The following CHRM2 variants were observed in gnomAD, a reference collection of about 807,000 sequenced individuals.
CHRM2 encodes the protein muscarinic acetylcholine receptor M2.
CHRM2 carries 8 observed loss-of-function variants against 25.0 expected under a neutral mutation model. The observed-to-expected ratio is 0.32, with a 90% CI of 0.19 to 0.58. The LOEUF (loss-of-function observed/expected upper bound fraction) is 0.58. CHRM2 is among the 20% of genes least tolerant of loss of function. The pLI, the probability that CHRM2 is intolerant of heterozygous loss-of-function variation, is 0.88. For synonymous variants in CHRM2, 202 were observed against 205.7 expected (o/e 0.98, Z 0.15); for missense variants, 440 against 567.1 (o/e 0.78, Z 2.28).
At chr7:136,942,384 C>A (rs1799824697) in intron 2 of CHRM2, among the ~76,000 whole-genome samples, 1 of 152,124 alleles carries the variant, frequency 6.6e-6, no homozygotes, top group East Asian at 1.9e-4. Context: ...CTCCTCCTTC[C>A]CTTAGGAAGT....
chr7:136,970,580 T>C (rs1801695043), intron 2 of CHRM2, among the ~76,000 whole-genome samples: 1 of 152,204 alleles, frequency 6.6e-6, no homozygotes, highest in African/African-American at 2.4e-5. Flanking sequence ...GACTTCTTTA[T>C]ACTGAGCACG....
intron 2 of CHRM2, among the ~76,000 whole-genome samples, chr7:136,928,700 T>C (rs1285351605): frequency 6.6e-6 from 1 of 152,162 alleles, no homozygotes; most frequent in Non-Finnish European, 1.5e-5. Context: ...AGCTATACCA[T>C]TCCTGGCAGT....
chr7:136,990,454 T>C (rs1323751716), intron 2 of CHRM2, among the ~76,000 whole-genome samples: 1 of 152,188 alleles, frequency 6.6e-6, no homozygotes, highest in African/African-American at 2.4e-5. Flanking sequence ...GGATGTCATA[T>C]AGTTGGATTC....
At chr7:136,970,815 G>C (rs971370456) in intron 2 of CHRM2, among the ~76,000 whole-genome samples, 1 of 152,080 alleles carries the variant, frequency 6.6e-6, no homozygotes, top group African/African-American at 2.4e-5. Context: ...GTTAAACTCT[G>C]TCTCACTCAC....
intron 2 of CHRM2, among the ~76,000 whole-genome samples, chr7:136,982,852 T>C (rs886555977): frequency 2.0e-5 from 3 of 152,186 alleles, no homozygotes; most frequent in African/African-American, 4.8e-5. Flanking sequence ...TAATGTGACC[T>C]TTCTCTCTGC....
At chr7:136,948,519 T>C (rs1353673612) in intron 2 of CHRM2, among the ~76,000 whole-genome samples, 1 of 152,002 alleles carries the variant, frequency 6.6e-6, no homozygotes, top group Non-Finnish European at 1.5e-5. Context: ...GTGAGGACAT[T>C]TAAGTCAACC....
chr7:136,888,333 C>A (rs761236965), intron 2 of CHRM2, among the ~76,000 whole-genome samples: 1 of 152,142 alleles, frequency 6.6e-6, no homozygotes, highest in Non-Finnish European at 1.5e-5. Flanking sequence ...CCCATTGCTG[C>A]GCTGGGGAAA....
chr7:136,903,123 T>C (rs773080543), intron 2 of CHRM2: 3 of 533,608 alleles, frequency 5.6e-6, no homozygotes, highest in Non-Finnish European at 1.2e-5. Flanking sequence ...GTAGGTTTTT[T>C]ATTCTTCAAC....
intron 2 of CHRM2, among the ~76,000 whole-genome samples, chr7:136,917,868 T>C (rs1584753104): frequency 6.6e-6 from 1 of 152,028 alleles, no homozygotes; most frequent in South Asian, 2.1e-4. Context: ...GTAAGTACAG[T>C]CAGATAGGAT....
chr7:136,958,879 A>G (rs867330697), intron 2 of CHRM2, among the ~76,000 whole-genome samples: 7 of 152,216 alleles, frequency 4.6e-5, no homozygotes, highest in Non-Finnish European at 4.4e-5. Context: ...TCTGTCCACA[A>G]TACAAGTGAT....
intron 3 of CHRM2, among the ~76,000 whole-genome samples, chr7:137,005,850 C>A (rs919398032): frequency 6.6e-6 from 1 of 151,934 alleles, no homozygotes; most frequent in Non-Finnish European, 1.5e-5. Flanking sequence ...AGCAGCCTGC[C>A]GACTTTAGGA....
chr7:136,939,483 T>TG (rs1379629291), intron 2 of CHRM2, among the ~76,000 whole-genome samples: 2 of 152,168 alleles, frequency 1.3e-5, no homozygotes, highest in East Asian at 3.9e-4. Flanking sequence ...AACTAATGGG[T>TG]GGTTGCAAAG....
intron 2 of CHRM2, among the ~76,000 whole-genome samples, chr7:136,945,560 G>T (rs922504104): frequency 3.9e-5 from 6 of 152,096 alleles, no homozygotes; most frequent in Admixed American, 3.9e-4. Flanking sequence ...TTATTTCTGG[G>T]TTCTCTATTC....
chr7:137,000,241 C>T (rs1223669412), intron 3 of CHRM2, among the ~76,000 whole-genome samples: 1 of 138,036 alleles, frequency 7.2e-6, no homozygotes. Flanking sequence ...CTCTGTCACC[C>T]AGGCTGGAGT....
At chr7:136,919,181 A>T (rs963081563) in intron 2 of CHRM2, among the ~76,000 whole-genome samples, 2 of 152,094 alleles carry the variant, frequency 1.3e-5, no homozygotes, top group African/African-American at 4.8e-5. Flanking sequence ...TTTGTCTGGC[A>T]TTACTGGGGA....
At chr7:137,005,094 T>TG (rs1256388431) in intron 3 of CHRM2, among the ~76,000 whole-genome samples, 1 of 152,080 alleles carries the variant, frequency 6.6e-6, no homozygotes, top group Admixed American at 6.6e-5. Flanking sequence ...TTTAGCTATA[T>TG]GGGGGTGAAC....
intron 2 of CHRM2, among the ~76,000 whole-genome samples, chr7:136,937,933 T>G (rs1448088831): frequency 6.6e-6 from 1 of 152,162 alleles, no homozygotes; most frequent in Admixed American, 6.5e-5. Flanking sequence ...TGGTTGGTCC[T>G]AATTGAGGGT....
intron 3 of CHRM2, among the ~76,000 whole-genome samples, chr7:137,002,406 A>C (rs1158015806): frequency 6.6e-6 from 1 of 152,130 alleles, no homozygotes; most frequent in Non-Finnish European, 1.5e-5. Flanking sequence ...TTTGTGGAGG[A>C]CCAGAAATTT....
intron 2 of CHRM2, among the ~76,000 whole-genome samples, chr7:136,981,459 C>T (rs1802482777): frequency 6.6e-6 from 1 of 152,144 alleles, no homozygotes; most frequent in Non-Finnish European, 1.5e-5. Context: ...AGGAAATCTG[C>T]TCTGATCTTA....
Sources: gnomAD v4.1 joint callset for allele counts (sites outside exome capture counted in the v4.1 genomes callset) on GRCh38, gnomAD v4.1.1 for gene constraint, MANE v1.5 for transcripts, NCBI Gene and HGNC (gene_info 2026-07-23, HGNC 2026-07-21) for gene names.